TECRL: variants seen among roughly 807,000 people sequenced by gnomAD.
The protein encoded by TECRL is trans-2,3-enoyl-CoA reductase-like.
A neutral mutation model predicts 52.8 loss-of-function variants in TECRL; 63 were observed. The observed-to-expected ratio is 1.19, with a 90% CI of 0.97 to 1.47. The LOEUF (loss-of-function observed/expected upper bound fraction) is 1.47. TECRL is among the 40% of genes most tolerant of loss of function. The pLI, the probability that TECRL is intolerant of heterozygous loss-of-function variation, is 0.00. For synonymous variants in TECRL, 164 were observed against 141.9 expected (o/e 1.16, Z -1.10); for missense variants, 482 against 429.6 (o/e 1.12, Z -1.08).
rs1722748853 is a variant in TECRL at position 64,280,202 on chromosome 4, A to G, written c.965-3T>C. ...CATCAGAAGTGTAAAAATTCCAACT[A>G]GAAGAAAAAAGAAATAATTATTATT... is the stretch of plus-strand genomic sequence containing the variant. On this transcript the variant is annotated splice_region_variant and splice_polypyrimidine_tract_variant and intron_variant, in intron 11 of 11. Coordinates refer to ENST00000381210, the MANE Select transcript of TECRL (RefSeq NM_001010874.5). 1 of 1,488,756 alleles carries G rather than the reference A, an allele frequency of 6.7e-7. No individual in the cohort carries two copies. The highest frequency in any genetic ancestry group is 9.0e-7 in the Non-Finnish European group (1 of 1,116,210). 92.2% of individuals were successfully genotyped at this position (1,488,756 alleles called of 1,614,324 possible). A position where few individuals can be genotyped will look rare whatever the true frequency, so the allele number is the denominator to read the frequency against.
intron 2 of TECRL, among the ~76,000 whole-genome samples, chr4:64,349,104 T>C (rs912846915): frequency 4.6e-4 from 69 of 149,678 alleles, no homozygotes; most frequent in Non-Finnish European, 2.2e-4. Flanking sequence ...AAATTTTTTT[T>C]AATAAAATGT....
At chr4:64,377,731 A>G (rs1278117975) in intron 1 of TECRL, among the ~76,000 whole-genome samples, 1 of 152,146 alleles carries the variant, frequency 6.6e-6, no homozygotes, top group Admixed American at 6.6e-5. Context: ...ATGAAAACAA[A>G]AAAGCTTTTT....
chr4:64,363,253 C>A (rs1253941049), intron 2 of TECRL, among the ~76,000 whole-genome samples: 8 of 152,068 alleles, frequency 5.3e-5, no homozygotes, highest in Non-Finnish European at 8.8e-5. Flanking sequence ...AACTTCAACA[C>A]CCAACTGACA....
At chr4:64,372,027 G>A (rs963232052) in intron 2 of TECRL, among the ~76,000 whole-genome samples, 1 of 151,712 alleles carries the variant, frequency 6.6e-6, no homozygotes, top group Non-Finnish European at 1.5e-5. Flanking sequence ...GTTTTGGTCA[G>A]AGTGTCACTG....
chr4:64,286,465 A>AC (rs903238960), intron 9 of TECRL, among the ~76,000 whole-genome samples: 1 of 151,824 alleles, frequency 6.6e-6, no homozygotes, highest in Non-Finnish European at 1.5e-5. Context: ...GTACAGTGTA[A>AC]CCCCCCTATA....
intron 2 of TECRL, among the ~76,000 whole-genome samples, chr4:64,361,172 G>A (rs867485210): frequency 1.3e-4 from 20 of 152,168 alleles, no homozygotes; most frequent in African/African-American, 4.8e-4. Flanking sequence ...TTCACCAGCT[G>A]ACCCTGACTA....
intron 2 of TECRL, among the ~76,000 whole-genome samples, chr4:64,373,355 T>C (rs1467099452): frequency 6.6e-6 from 1 of 151,824 alleles, no homozygotes; most frequent in Non-Finnish European, 1.5e-5. Flanking sequence ...GATATAACTA[T>C]TGAAACTAAC....
At chr4:64,321,531 G>T (rs976924203) in intron 4 of TECRL, among the ~76,000 whole-genome samples, 3 of 152,124 alleles carry the variant, frequency 2.0e-5, no homozygotes, top group East Asian at 1.9e-4. Flanking sequence ...TGAAAGAAAA[G>T]GAGCTCATTA....
At position 64,305,163 on chromosome 4, in the gene TECRL, T is replaced by G; in HGVS notation, c.730+3A>C. ...CGGTTAGTTAAGAAGAAACCCTACATACATGGTGGTGTATATAGTGGATGA... is the reference window on the plus strand; with the variant it reads ...CGGTTAGTTAAGAAGAAACCCTACAGACATGGTGGTGTATATAGTGGATGA... On this transcript the variant is annotated splice_donor_region_variant and intron_variant, in intron 7 of 11. Transcript: ENST00000381210. 10 of 1,607,134 alleles carry G rather than the reference T, an allele frequency of 6.2e-6. No homozygotes were observed. Among genetic ancestry groups the G allele is most frequent in the Non-Finnish European group, 8.5e-6 (10 of 1,175,764 alleles).
At chr4:64,318,186 C>T (rs1047339594) in intron 4 of TECRL, among the ~76,000 whole-genome samples, 2 of 151,828 alleles carry the variant, frequency 1.3e-5, no homozygotes, top group African/African-American at 2.4e-5. Context: ...TATACAAAGA[C>T]CAAACAGACT....
intron 9 of TECRL, among the ~76,000 whole-genome samples, chr4:64,288,109 A>G (rs1723174848): frequency 6.6e-6 from 1 of 151,842 alleles, no homozygotes; most frequent in African/African-American, 2.4e-5. Flanking sequence ...AGATCACACC[A>G]CTGCACTCCA....
At chr4:64,403,475 G>GCGCGCGCACACACA (rs59253067) in intron 1 of TECRL, among the ~76,000 whole-genome samples, 1 of 148,238 alleles carries the variant, frequency 6.7e-6, no homozygotes, top group African/African-American at 2.5e-5. Context: ...CTCCCTGAGC[G>GCGCGCGCACACACA]CACACACACA....
In TECRL at chr4:64,353,797, G is replaced by C. The variant is rs1720565063; in HGVS notation, c.286+21375C>G. Among the ~76,000 whole-genome samples, 3 of 80,500 alleles carry C rather than the reference G, an allele frequency of 3.7e-5. No homozygotes were observed. The Admixed American group carries it at 4.0e-4, about 11-fold the overall frequency. 52.8% of individuals were successfully genotyped at this position (80,500 alleles called of 152,430 possible). A position where few individuals can be genotyped will look rare whatever the true frequency, so the allele number is the denominator to read the frequency against. On this transcript the variant is annotated intron_variant, in intron 2 of 11. Coordinates refer to ENST00000381210, the MANE Select transcript of TECRL (RefSeq NM_001010874.5). Reference sequence around the variant, plus strand: ...CATGCAAATGTTTGAGAGCACACCAGAAATAAAAAAAAGTAGAATTAAAGG... The same window carrying C: ...CATGCAAATGTTTGAGAGCACACCACAAATAAAAAAAAGTAGAATTAAAGG...
intron 2 of TECRL, among the ~76,000 whole-genome samples, chr4:64,346,962 T>A (rs568340022): frequency 1.9e-4 from 29 of 152,354 alleles, no homozygotes; most frequent in African/African-American, 6.7e-4. Context: ...ACTTGAAGCC[T>A]GTTCTGTGTG....
chr4:64,363,516 C>T (rs1241198881), intron 2 of TECRL, among the ~76,000 whole-genome samples: 1 of 152,138 alleles, frequency 6.6e-6, no homozygotes, highest in Admixed American at 6.6e-5. Flanking sequence ...CACCCTACTG[C>T]TGTGTCTGGT....
At chr4:64,308,289 C>G (rs1012005968) in intron 6 of TECRL, among the ~76,000 whole-genome samples, 1 of 152,126 alleles carries the variant, frequency 6.6e-6, no homozygotes, top group African/African-American at 2.4e-5. Context: ...AACTCTCCAG[C>G]CACCTGCGCA....
In TECRL at chr4:64,322,793, C is replaced by A; in HGVS notation, c.332-1G>T. 1 of 1,587,414 alleles carries A rather than the reference C, an allele frequency of 6.3e-7. No individual in the cohort carries two copies. The highest frequency in any genetic ancestry group is 1.2e-5 in the South Asian group (1 of 84,800). ...ATGTAGTCCTTCAAAAAAGGCCCGC[C>A]TAAAATAAAAATAACAAGAAAATTT... On this transcript the variant is annotated splice_acceptor_variant, in intron 3 of 11. Transcript: ENST00000381210. LOFTEE classifies it high-confidence loss of function.
intron 1 of TECRL, among the ~76,000 whole-genome samples, chr4:64,393,882 GAGCT>G (rs1723729263): frequency 6.6e-6 from 1 of 151,890 alleles, no homozygotes; most frequent in Non-Finnish European, 1.5e-5. Flanking sequence ...TATTTCTGAA[GAGCT>G]AGCTAGCTAG....
intron 3 of TECRL, among the ~76,000 whole-genome samples, chr4:64,326,741 A>G (rs1718293104): frequency 6.6e-6 from 1 of 152,162 alleles, no homozygotes; most frequent in Admixed American, 6.6e-5. Context: ...AGCACAGCTC[A>G]GCAGAGACAC....
Sources: gnomAD v4.1 joint callset for allele counts (sites outside exome capture counted in the v4.1 genomes callset) on GRCh38, gnomAD v4.1.1 for gene constraint, MANE v1.5 for transcripts, NCBI Gene and HGNC (gene_info 2026-07-23, HGNC 2026-07-21) for gene names.